The following UBE2W variants were observed in gnomAD, a reference collection of about 807,000 sequenced individuals.
UBE2W encodes the protein ubiquitin-conjugating enzyme E2 W.
In UBE2W, 18 loss-of-function variants were observed where a neutral mutation model predicts 27.2. That is an observed-to-expected ratio of 0.66 (90% CI 0.46 to 0.98). The LOEUF is 0.98. Among genes scored for constraint, UBE2W ranks in the 50% least tolerant of loss-of-function variants. UBE2W has a pLI of 0.00. For synonymous variants in UBE2W, 53 were observed against 57.2 expected, an observed-to-expected ratio of 0.93 and a Z score of 0.33; for missense variants, 90 against 180.2, an observed-to-expected ratio of 0.50 and a Z score of 2.87.
chr8:73,826,080 T>C (rs540489400), intron 2 of UBE2W, among the ~76,000 whole-genome samples: 9 of 152,230 alleles, frequency 5.9e-5, no homozygotes, highest in East Asian at 5.8e-4. Flanking sequence ...GGGAGCTAAA[T>C]TGACATCAGT....
intron 1 of UBE2W, among the ~76,000 whole-genome samples, chr8:73,858,817 G>A (rs1010854986): frequency 1.3e-5 from 2 of 151,474 alleles, no homozygotes; most frequent in African/African-American, 4.9e-5. Flanking sequence ...TTTTCATCAC[G>A]AACTTGCAAG....
chr8:73,805,472 C>CAAAAAAAAAACAAACAAAAAAAAA, intron 5 of UBE2W, among the ~76,000 whole-genome samples, 179 bp downstream of exon 5: 2 of 43,694 alleles, frequency 4.6e-5, no homozygotes, highest in African/African-American at 1.2e-4. Flanking sequence ...AAAAAAAAAA[C>CAAAAAAAAAACAAACAAAAAAAAA]AAAAAAAACT....
intron 5 of UBE2W, among the ~76,000 whole-genome samples, chr8:73,805,052 A>C (rs1259776156): frequency 6.6e-6 from 1 of 152,084 alleles, no homozygotes; most frequent in African/African-American, 2.4e-5. Flanking sequence ...TTTGATCTAA[A>C]GATTATTAAC....
intron 1 of UBE2W, among the ~76,000 whole-genome samples, chr8:73,836,804 T>A (rs1389699285): frequency 6.6e-6 from 1 of 152,222 alleles, no homozygotes; most frequent in East Asian, 1.9e-4. Flanking sequence ...CACTGGCTTA[T>A]AAAACCATCA....
chr8:73,822,005 C>T (rs1809633502), intron 3 of UBE2W, among the ~76,000 whole-genome samples: 1 of 152,188 alleles, frequency 6.6e-6, no homozygotes, highest in South Asian at 2.1e-4. Context: ...TCTTTAACCT[C>T]CTTGTTAAGT....
In UBE2W at chr8:73,792,267, G is replaced by A. The variant is rs183493010; in HGVS notation, c.*1835C>T. ...TATCTAGTCAAGATAGAACAAAAAC[G>A]GTTATAATTTTTTAAAAGTGGTAAT... On this transcript the variant is annotated 3_prime_UTR_variant, in exon 6 of 6. Transcript: ENST00000602593. 138 of 985,402 alleles carry A rather than the reference G, an allele frequency of 1.4e-4. No homozygotes were observed. The highest frequency in any genetic ancestry group is 1.8e-4 in the Admixed American group (3 of 16,244). The allele number at this position is 985,402 out of a possible 1,614,324, so 61.0% of individuals were successfully genotyped here.
chr8:73,822,787 A>C (rs570993200), intron 3 of UBE2W, among the ~76,000 whole-genome samples: 1 of 152,126 alleles, frequency 6.6e-6, no homozygotes, highest in South Asian at 2.1e-4. Flanking sequence ...CTGTCTCAAA[A>C]AAAACAAAAC....
At position 73,830,464 on chromosome 8, in the gene UBE2W, T is replaced by G. The variant is rs200924920; in HGVS notation, c.24A>C (p.Leu8=). The stretch of plus-strand genomic sequence containing the variant: ...TTTGCAAAGCCAACAGTTCTTTCTG[T>G]AGTCGTTTCTAGAAAAGAACATCAA... MASMQKR[L]QKELLALQND... Residue 8 remains leucine, a synonymous_variant, in exon 2 of 6, where the codon CTA becomes CTC. Transcript: ENST00000602593. The G allele has an allele frequency of 3.7e-6, 6 of 1,613,400 alleles. No individual in the cohort carries two copies. The highest frequency in any genetic ancestry group is 1.6e-4 in the Middle Eastern group (1 of 6,084).
At chr8:73,812,329 T>C (rs1809186373) in intron 3 of UBE2W, among the ~76,000 whole-genome samples, 1 of 152,176 alleles carries the variant, frequency 6.6e-6, no homozygotes, top group Non-Finnish European at 1.5e-5. Flanking sequence ...ACTTTGATTT[T>C]GTAATGGCTA....
At chr8:73,865,696 C>G (rs925909201) in intron 1 of UBE2W, among the ~76,000 whole-genome samples, 7 of 152,150 alleles carry the variant, frequency 4.6e-5, no homozygotes, top group Non-Finnish European at 1.0e-4. Context: ...AACAAGTTTT[C>G]TTTTATCAGA....
chr8:73,835,689 A>C (rs1414661458), intron 1 of UBE2W, among the ~76,000 whole-genome samples: 1 of 152,184 alleles, frequency 6.6e-6, no homozygotes, highest in African/African-American at 2.4e-5. Context: ...GGTTGCAGTG[A>C]GTGAGATCAA....
At chr8:73,829,995 G>A (rs1810006399) in intron 2 of UBE2W, among the ~76,000 whole-genome samples, 1 of 152,060 alleles carries the variant, frequency 6.6e-6, no homozygotes, top group African/African-American at 2.4e-5. Flanking sequence ...TTTAGGGCAT[G>A]GGATACCTTT....
rs1203749682 is a variant in UBE2W, at chr8:73,791,402, A to T, written c.*2700T>A. 29 of 983,984 alleles carry T rather than the reference A, an allele frequency of 2.9e-5. No individual in the cohort carries two copies. The Admixed American group carries it at 1.7e-3, about 59-fold the overall frequency. The allele number at this position is 983,984 out of a possible 1,614,324, so 61.0% of individuals were successfully genotyped here. On this transcript the variant is annotated 3_prime_UTR_variant, in exon 6 of 6. Coordinates refer to ENST00000602593, the MANE Select transcript of UBE2W (RefSeq NM_018299.6). Reference sequence around the variant, plus strand: ...AAATAAATAAATAAATAAATAAAAGAAGAAGAGTGTACCTTATCTTCTAAG... The same window carrying T: ...AAATAAATAAATAAATAAATAAAAGTAGAAGAGTGTACCTTATCTTCTAAG...
intron 1 of UBE2W, among the ~76,000 whole-genome samples, chr8:73,858,644 A>C (rs1401795490): frequency 6.6e-6 from 1 of 150,454 alleles, no homozygotes; most frequent in Non-Finnish European, 1.5e-5. Context: ...TTCAGTCATA[A>C]GCAGACACCA....
intron 1 of UBE2W, among the ~76,000 whole-genome samples, chr8:73,875,694 A>G (rs562051678): frequency 1.3e-5 from 2 of 152,260 alleles, no homozygotes; most frequent in South Asian, 2.1e-4. Flanking sequence ...GAAATCCCCA[A>G]ATGATCAATT....
At chr8:73,826,285 A>G (rs965759324) in intron 2 of UBE2W, among the ~76,000 whole-genome samples, 3 of 152,222 alleles carry the variant, frequency 2.0e-5, no homozygotes, top group African/African-American at 7.2e-5. Context: ...TGGGAAGAAT[A>G]AGGGATAATG....
chr8:73,877,155 T>C (rs184189946), intron 1 of UBE2W, among the ~76,000 whole-genome samples: 137 of 152,336 alleles, frequency 9.0e-4, no homozygotes, highest in Middle Eastern at 6.8e-3. Context: ...TTAATACAGA[T>C]AATAATCTTA....
At chr8:73,832,152 T>TATATATATATATATA (rs1563601356) in intron 1 of UBE2W, among the ~76,000 whole-genome samples, 5 of 150,924 alleles carry the variant, frequency 3.3e-5, no homozygotes, top group African/African-American at 1.2e-4. Flanking sequence ...TATATATATA[T>TATATATATATATATA]TAGCCAGGTG....
At chr8:73,867,513 A>T (rs999715442) in intron 1 of UBE2W, among the ~76,000 whole-genome samples, 7 of 151,980 alleles carry the variant, frequency 4.6e-5, no homozygotes, top group Non-Finnish European at 8.8e-5. Flanking sequence ...CCAGTCTGGC[A>T]ACAGGGCGAG....
Sources: allele counts gnomAD v4.1 joint callset (sites outside exome capture counted in the v4.1 genomes callset), GRCh38; gene constraint gnomAD v4.1.1; transcripts MANE v1.5; gene names NCBI Gene and HGNC (gene_info 2026-07-23, HGNC 2026-07-21).